SPIRE1: variants seen among roughly 807,000 people sequenced by gnomAD.
SPIRE1 encodes protein spire homolog 1.
SPIRE1 carries 40 observed loss-of-function variants against 94.1 expected under a neutral mutation model. The observed-to-expected ratio is 0.43, with a 90% CI of 0.33 to 0.55. The LOEUF is 0.55. Among genes scored for constraint, SPIRE1 ranks in the 20% least tolerant of loss-of-function variants. The probability of loss-of-function intolerance (pLI) is 0.06; values close to 1 mark genes in which losing one functional copy is unlikely to be tolerated. For synonymous variants in SPIRE1, 376 were observed against 371.7 expected (o/e 1.01, Z -0.13); for missense variants, 838 against 975.2 (o/e 0.86, Z 1.87).
chr18:12,658,741 T>A, upstream of SPIRE1: 1 of 399,340 alleles, frequency 2.5e-6, no homozygotes, highest in Non-Finnish European at 5.3e-6. Flanking sequence ...TTCTTGCTGG[T>A]TGAATACCTC....
intron 5 of SPIRE1, among the ~76,000 whole-genome samples, chr18:12,507,442 T>C (rs2033872731): frequency 6.6e-6 from 1 of 152,198 alleles, no homozygotes; most frequent in African/African-American, 2.4e-5. Context: ...GTCACACCTG[T>C]AATCCCAGCA....
At chr18:12,465,944 C>T (rs1228905443) in intron 10 of SPIRE1, among the ~76,000 whole-genome samples, 2 of 151,908 alleles carry the variant, frequency 1.3e-5, no homozygotes, top group East Asian at 3.9e-4. Flanking sequence ...ATGAGCCAGG[C>T]GTGGTGGCAC....
At chr18:12,646,012 C>A (rs1360386797) in intron 1 of SPIRE1, among the ~76,000 whole-genome samples, 6 of 152,214 alleles carry the variant, frequency 3.9e-5, no homozygotes, top group African/African-American at 1.4e-4. Flanking sequence ...GTTGAGAACT[C>A]TTGGGGCTGC....
chr18:12,620,677 A>T (rs1420019698), intron 2 of SPIRE1, among the ~76,000 whole-genome samples: 1 of 152,220 alleles, frequency 6.6e-6, no homozygotes, highest in Non-Finnish European at 1.5e-5. Context: ...AGACCTAAAT[A>T]TAAGAACCAA....
chr18:12,521,368 T>C (rs2144098260), intron 4 of SPIRE1, among the ~76,000 whole-genome samples: 2 of 151,878 alleles, frequency 1.3e-5, no homozygotes, highest in South Asian at 2.1e-4. Context: ...AGTTTTACTC[T>C]GTCGCCTGGG....
chr18:12,516,654 G>A (rs2034203275), intron 4 of SPIRE1, among the ~76,000 whole-genome samples: 1 of 152,158 alleles, frequency 6.6e-6, no homozygotes, highest in Non-Finnish European at 1.5e-5. Flanking sequence ...GATTTAATAT[G>A]TCCTTAATAG....
At chr18:12,586,918 A>G (rs1033995054) in intron 2 of SPIRE1, among the ~76,000 whole-genome samples, 1 of 152,210 alleles carries the variant, frequency 6.6e-6, no homozygotes, top group African/African-American at 2.4e-5. Flanking sequence ...TAGACACTTA[A>G]AGAAAGCAAG....
intron 4 of SPIRE1, among the ~76,000 whole-genome samples, chr18:12,523,247 A>G (rs1374753899): frequency 1.3e-5 from 2 of 152,214 alleles, no homozygotes; most frequent in African/African-American, 4.8e-5. Context: ...GTGGAGCCTG[A>G]AGATGTGCCT....
chr18:12,599,502 G>C (rs2036773568), intron 2 of SPIRE1, among the ~76,000 whole-genome samples: 1 of 152,120 alleles, frequency 6.6e-6, no homozygotes. Flanking sequence ...ATCCTCAAGT[G>C]ATCCTCCCAC....
chr18:12,478,520 TGC>T (rs2032704354), intron 10 of SPIRE1, among the ~76,000 whole-genome samples: 1 of 142,670 alleles, frequency 7.0e-6, no homozygotes. Context: ...TGTGTGTGTG[TGC>T]ATGTGTGTGT....
At chr18:12,576,547 A>G (rs930351065) in intron 2 of SPIRE1, among the ~76,000 whole-genome samples, 1 of 135,334 alleles carries the variant, frequency 7.4e-6, no homozygotes, top group African/African-American at 2.9e-5. Flanking sequence ...GTGCCACTGC[A>G]CTCCAGCCTG....
At chr18:12,631,190 C>T (rs1008134832) in intron 2 of SPIRE1, among the ~76,000 whole-genome samples, 1 of 152,070 alleles carries the variant, frequency 6.6e-6, no homozygotes, top group Non-Finnish European at 1.5e-5. Context: ...ACTCTCTTTA[C>T]ACACTAAAAA....
At chr18:12,459,704 T>A (rs1011407423) in intron 12 of SPIRE1, 9 of 966,746 alleles carry the variant, frequency 9.3e-6, no homozygotes, top group Non-Finnish European at 1.1e-5. Flanking sequence ...GGTGTCACCG[T>A]CAGAGATACA....
At chr18:12,608,552 C>T (rs2037052670) in intron 2 of SPIRE1, among the ~76,000 whole-genome samples, 1 of 152,004 alleles carries the variant, frequency 6.6e-6, no homozygotes, top group African/African-American at 2.4e-5. Context: ...GGAAAAGGTC[C>T]CAGAAGTAAA....
chr18:12,508,777 T>G (rs1457485560), intron 5 of SPIRE1, among the ~76,000 whole-genome samples: 2 of 151,564 alleles, frequency 1.3e-5, no homozygotes, highest in African/African-American at 2.4e-5. Context: ...CGGGTTCAAG[T>G]GATTCTCCTG....
rs528563862 is a variant in SPIRE1 at position 12,604,388 on chromosome 18, C to T, written c.372+30674G>A. 2.6e-5 allele frequency among the ~76,000 whole-genome samples: 4 copies of T among 152,148 alleles called. No homozygotes were observed. The East Asian group carries it at 7.7e-4, about 29-fold the overall frequency. On this transcript the variant is annotated intron_variant, in intron 2 of 16. Coordinates refer to ENST00000409402, the MANE Select transcript of SPIRE1 (RefSeq NM_001128626.2). ...ACTGGCTGCTGGTAGGGAGAAATCC[C>T]CACACACTTCTTGGTGAGCAGAAGT... is the stretch of plus-strand genomic sequence containing the variant.
Position 12,446,809 on chromosome 18 carries a change from A to G in SPIRE1, c.*2829T>C, listed in dbSNP as rs1325594537. On this transcript the variant is annotated 3_prime_UTR_variant, in exon 17 of 17. Transcript: ENST00000409402. Reference sequence around the variant, plus strand: ...TAGTTAGAAAAATAAAAGGCTTAAAAATTTCATAGTACGAGTTCATGGTGC... The same window carrying G: ...TAGTTAGAAAAATAAAAGGCTTAAAGATTTCATAGTACGAGTTCATGGTGC... 1 of 152,234 alleles carries G rather than the reference A, an allele frequency of 6.6e-6. No individual in the cohort carries two copies. Among genetic ancestry groups the G allele is most frequent in the Non-Finnish European group, 1.5e-5 (1 of 68,040 alleles). 9.4% of individuals were successfully genotyped at this position (152,234 alleles called of 1,614,324 possible). A position where few individuals can be genotyped will look rare whatever the true frequency, so the allele number is the denominator to read the frequency against.
chr18:12,508,501 A>G (rs1300113420), intron 5 of SPIRE1, among the ~76,000 whole-genome samples: 1 of 152,190 alleles, frequency 6.6e-6, no homozygotes, highest in Non-Finnish European at 1.5e-5. Context: ...TATTTCTCTC[A>G]GGAATGCTTT....
At chr18:12,573,925 G>C (rs373633513) in intron 2 of SPIRE1, among the ~76,000 whole-genome samples, 45 of 152,192 alleles carry the variant, frequency 3.0e-4, no homozygotes, top group African/African-American at 1.0e-3. Context: ...ATTTTTAGTA[G>C]AGACGGGGTT....
Sources: gnomAD v4.1 joint callset for allele counts (sites outside exome capture counted in the v4.1 genomes callset) on GRCh38, gnomAD v4.1.1 for gene constraint, MANE v1.5 for transcripts, NCBI Gene and HGNC (gene_info 2026-07-23, HGNC 2026-07-21) for gene names.